The following ZBTB7C variants were observed in gnomAD, a reference collection of about 807,000 sequenced individuals.
The protein encoded by ZBTB7C is zinc finger and BTB domain-containing protein 7C.
In ZBTB7C, 8 loss-of-function variants were observed where a neutral mutation model predicts 25.7. That is an observed-to-expected ratio of 0.31 (90% confidence interval 0.18 to 0.56). ZBTB7C has a LOEUF of 0.56. ZBTB7C is among the 20% of genes least tolerant of loss of function. The pLI is 0.91. For missense variants in ZBTB7C, 824 were observed against 855.2 expected, an observed-to-expected ratio of 0.96 and a Z score of 0.46; for synonymous variants, 394 against 369.0, an observed-to-expected ratio of 1.07 and a Z score of -0.78.
intron 4 of ZBTB7C, among the ~76,000 whole-genome samples, chr18:48,036,999 G>C (rs983866923): frequency 1.3e-5 from 2 of 152,192 alleles, no homozygotes; most frequent in African/African-American, 4.8e-5. Context: ...AGAATGTGAG[G>C]GGGAGGAGAG....
At chr18:48,303,353 TA>T (rs1404270072) in intron 2 of ZBTB7C, among the ~76,000 whole-genome samples, 1 of 152,180 alleles carries the variant, frequency 6.6e-6, no homozygotes, top group East Asian at 1.9e-4. Flanking sequence ...GGCTCCTTTT[TA>T]TCTCCAGAAT....
chr18:48,300,311 A>T (rs1444058225), intron 2 of ZBTB7C, among the ~76,000 whole-genome samples: 2 of 152,166 alleles, frequency 1.3e-5, no homozygotes, highest in Non-Finnish European at 2.9e-5. Flanking sequence ...GGGTATATCA[A>T]TCATCTCCCC....
At chr18:48,229,859 G>C (rs1042635501) in intron 2 of ZBTB7C, among the ~76,000 whole-genome samples, 1 of 152,096 alleles carries the variant, frequency 6.6e-6, no homozygotes, top group Non-Finnish European at 1.5e-5. Context: ...GTGGCCAAGG[G>C]GGAACAAGGC....
intron 3 of ZBTB7C, among the ~76,000 whole-genome samples, chr18:48,112,180 T>C (rs2144671462): frequency 6.6e-6 from 1 of 152,140 alleles, no homozygotes; most frequent in African/African-American, 2.4e-5. Context: ...TAATAAAATA[T>C]ATGTTCATAG....
intron 1 of ZBTB7C, among the ~76,000 whole-genome samples, chr18:48,383,778 C>CT (rs368010511): frequency 7.2e-5 from 11 of 151,910 alleles, no homozygotes; most frequent in African/African-American, 1.7e-4. Context: ...CTAGGTAAGG[C>CT]TGGAAGGGAG....
chr18:48,289,876 C>T (rs2144680057), intron 2 of ZBTB7C, among the ~76,000 whole-genome samples: 1 of 152,222 alleles, frequency 6.6e-6, no homozygotes, highest in South Asian at 2.1e-4. Context: ...GTCATGATAG[C>T]AGTTACCATC....
chr18:48,066,481 T>C (rs2037334711), intron 3 of ZBTB7C, among the ~76,000 whole-genome samples: 1 of 152,116 alleles, frequency 6.6e-6, no homozygotes, highest in African/African-American at 2.4e-5. Flanking sequence ...AGAGACCATA[T>C]CTGTAGATTA....
chr18:48,092,837 C>T (rs1022215869), intron 3 of ZBTB7C, among the ~76,000 whole-genome samples: 2 of 152,166 alleles, frequency 1.3e-5, no homozygotes, highest in Non-Finnish European at 2.9e-5. Flanking sequence ...CTTTAACTGG[C>T]TTTTTGGTTG....
At chr18:48,060,273 T>C (rs956568245) in intron 3 of ZBTB7C, among the ~76,000 whole-genome samples, 2 of 152,124 alleles carry the variant, frequency 1.3e-5, no homozygotes, top group Non-Finnish European at 2.9e-5. Flanking sequence ...TAAACAAATA[T>C]GCTACAGTTC....
intron 2 of ZBTB7C, among the ~76,000 whole-genome samples, chr18:48,270,608 T>C (rs1241853690): frequency 6.7e-6 from 1 of 150,302 alleles, no homozygotes; most frequent in Non-Finnish European, 1.5e-5. Context: ...GAGAATCATT[T>C]GAACCCAGGA....
At chr18:48,121,222 G>A (rs1439868857) in intron 3 of ZBTB7C, among the ~76,000 whole-genome samples, 1 of 152,170 alleles carries the variant, frequency 6.6e-6, no homozygotes, top group Non-Finnish European at 1.5e-5. Flanking sequence ...AAGAGGAGGT[G>A]GAATACCCAT....
chr18:48,146,578 A>G (rs2040504281), intron 3 of ZBTB7C, among the ~76,000 whole-genome samples: 1 of 152,244 alleles, frequency 6.6e-6, no homozygotes, highest in Non-Finnish European at 1.5e-5. Context: ...CCGGCATGTG[A>G]CAGACAATTC....
intron 3 of ZBTB7C, among the ~76,000 whole-genome samples, chr18:48,069,953 T>C (rs2037481037): frequency 6.6e-6 from 1 of 152,154 alleles, no homozygotes; most frequent in South Asian, 2.1e-4. Flanking sequence ...ATGTACATGC[T>C]GTCCATGGGG....
chr18:48,384,538 AG>A (rs566702165), intron 1 of ZBTB7C, among the ~76,000 whole-genome samples: 318 of 152,356 alleles, frequency 2.1e-3, no homozygotes, highest in African/African-American at 7.1e-3. Flanking sequence ...GATGTAGTAC[AG>A]GCTTGTCCAA....
rs2036173302 is a variant in ZBTB7C, at chr18:48,040,393, C to T, written c.715G>A (p.Ala239Thr). The change falls in exon 4 of 5, where the codon GCC becomes ACC. Residue 239 changes from alanine to threonine, a missense_variant. Transcript: ENST00000590800. ...GAGGGTCTCCTGTCGGGGATGTTGG[C>T]CTTGGGGTACAGGTTCTCCCTTAGC... ...SLLRENLYPK[A>T]NIPDRRPSLS... is the part of the protein sequence containing the mutation. 1 of 1,611,808 alleles carries T rather than the reference C, an allele frequency of 6.2e-7. No homozygotes were observed. The highest frequency in any genetic ancestry group is 1.3e-5 in the African/African-American group (1 of 74,842).
intron 3 of ZBTB7C, among the ~76,000 whole-genome samples, chr18:48,062,709 A>G (rs1469781478): frequency 6.6e-6 from 1 of 152,196 alleles, no homozygotes; most frequent in African/African-American, 2.4e-5. Flanking sequence ...AAGGCTAAAA[A>G]CTGGGATAAC....
chr18:48,210,605 C>G (rs914882227), intron 2 of ZBTB7C, among the ~76,000 whole-genome samples: 1 of 152,048 alleles, frequency 6.6e-6, no homozygotes, highest in African/African-American at 2.4e-5. Flanking sequence ...ACATGTCCAG[C>G]AAAGGCAAAT....
At chr18:48,165,222 A>G (rs1191553138) in intron 3 of ZBTB7C, 2 of 858,684 alleles carry the variant, frequency 2.3e-6, no homozygotes, top group Admixed American at 2.3e-5. Flanking sequence ...GAGAGCTCCC[A>G]GCCTCCTGTT....
At chr18:48,123,645 C>T (rs1035900793) in intron 3 of ZBTB7C, among the ~76,000 whole-genome samples, 6 of 150,078 alleles carry the variant, frequency 4.0e-5, no homozygotes, top group East Asian at 3.9e-4. Context: ...GCTTCCTGGT[C>T]GGCTGCCCAG....
Sources: allele counts gnomAD v4.1 joint callset (sites outside exome capture counted in the v4.1 genomes callset), GRCh38; gene constraint gnomAD v4.1.1; transcripts MANE v1.5; gene names NCBI Gene and HGNC (gene_info 2026-07-23, HGNC 2026-07-21).